The following SLC38A12 variants were observed in gnomAD, a reference collection of about 807,000 sequenced individuals.
SLC38A12 encodes putative sodium-coupled neutral amino acid transporter 12.
At chr17:74,812,120 A>G in the SLC38A12 span, among the ~76,000 whole-genome samples, 9 of 151,360 alleles carry the variant, frequency 5.9e-5, no homozygotes, top group East Asian at 1.8e-3. Flanking sequence ...CCCCACCGAG[A>G]TGTTTGGACA....
the SLC38A12 span, among the ~76,000 whole-genome samples, chr17:74,797,218 C>T: frequency 1.5e-3 from 225 of 152,350 alleles, no homozygotes; most frequent in African/African-American, 4.8e-3. Context: ...ATGGTTCCCT[C>T]ACTTATTCCT....
chr17:74,839,125 C>T, the SLC38A12 span: 5 of 1,529,214 alleles, frequency 3.3e-6, no homozygotes, highest in Non-Finnish European at 4.4e-6. Context: ...ATGCCAGCAG[C>T]TCCTGGCTGT....
chr17:74,836,728 C>T, the SLC38A12 span: 8 of 1,537,140 alleles, frequency 5.2e-6, no homozygotes, highest in Non-Finnish European at 7.0e-6. The surrounding 1 kb of genome is among the most constrained non-coding windows in gnomAD (Gnocchi z 4.2). Context: ...GCATAGGGGC[C>T]CCAGCCCCAC....
At chr17:74,819,848 G>A in the SLC38A12 span, 1 of 1,613,166 alleles carries the variant, frequency 6.2e-7, no homozygotes, top group Non-Finnish European at 8.5e-7. Context: ...GGATCGGTGA[G>A]TCTGAGAAAC....
chr17:74,838,938 C>T, the SLC38A12 span: 31 of 1,535,772 alleles, frequency 2.0e-5, no homozygotes, highest in Non-Finnish European at 2.6e-5. Flanking sequence ...GCCAGCCCAG[C>T]CTGGCCCAGG....
At chr17:74,835,918 G>C in the SLC38A12 span, 2 of 1,592,704 alleles carry the variant, frequency 1.3e-6, no homozygotes, top group Admixed American at 3.4e-5. Flanking sequence ...CCTCTCTCTC[G>C]TTTCCCAGCT....
the SLC38A12 span, chr17:74,819,741 A>G: frequency 1.1e-5 from 17 of 1,614,022 alleles, no homozygotes; most frequent in Non-Finnish European, 1.4e-5. Context: ...TCTTGTTTCC[A>G]TCCCCCAGGC....
the SLC38A12 span, chr17:74,794,950 A>AAG: frequency 3.8e-6 from 2 of 530,048 alleles, no homozygotes; most frequent in Non-Finnish European, 5.6e-6. Flanking sequence ...AGAAGAAGAA[A>AAG]AAAAAAAAAA....
chr17:74,787,292 G>C, the SLC38A12 span, among the ~76,000 whole-genome samples: 1 of 149,666 alleles, frequency 6.7e-6, no homozygotes, highest in Non-Finnish European at 1.5e-5. Context: ...GGAGAGGCAG[G>C]GGTGAGTCTG....
At chr17:74,819,906 A>G in the SLC38A12 span, 1 of 1,483,202 alleles carries the variant, frequency 6.7e-7, no homozygotes, top group Non-Finnish European at 9.4e-7. Flanking sequence ...CTCTCCTTTC[A>G]TGAGAGGCCG....
the SLC38A12 span, among the ~76,000 whole-genome samples, chr17:74,781,183 T>G: frequency 6.6e-6 from 1 of 152,266 alleles, no homozygotes; most frequent in African/African-American, 2.4e-5. Flanking sequence ...TGAGAAACCC[T>G]GATCCACAAG....
At chr17:74,781,084 C>T in the SLC38A12 span, among the ~76,000 whole-genome samples, 5 of 152,132 alleles carry the variant, frequency 3.3e-5, no homozygotes, top group Admixed American at 6.5e-5. Context: ...GGGCAAAGGC[C>T]GGGGATGCCA....
chr17:74,819,887 G>A, the SLC38A12 span: 38 of 1,556,890 alleles, frequency 2.4e-5, no homozygotes, highest in South Asian at 2.7e-4. Flanking sequence ...TTCTCCTCTC[G>A]TCCCTTCCCT....
chr17:74,777,503 G>C, the SLC38A12 span: 1 of 1,549,914 alleles, frequency 6.5e-7, no homozygotes, highest in Non-Finnish European at 8.8e-7. Flanking sequence ...GCAGGATGGG[G>C]GAGTTCCATG....
At chr17:74,806,014 C>T in the SLC38A12 span, among the ~76,000 whole-genome samples, 11 of 152,184 alleles carry the variant, frequency 7.2e-5, no homozygotes, top group African/African-American at 1.9e-4. Context: ...TCATGGGTTC[C>T]GAGGCCCATG....
chr17:74,839,101 A>G, the SLC38A12 span: 1 of 1,532,726 alleles, frequency 6.5e-7, no homozygotes. Flanking sequence ...GACCCACCTG[A>G]GCCCCAGAGC....
chr17:74,801,060 A>G, the SLC38A12 span, among the ~76,000 whole-genome samples: 1 of 152,148 alleles, frequency 6.6e-6, no homozygotes, highest in African/African-American at 2.4e-5. Flanking sequence ...GGACGCCTGG[A>G]GGGGGAAGGG....
At chr17:74,783,070 C>T in the SLC38A12 span, among the ~76,000 whole-genome samples, 1 of 152,208 alleles carries the variant, frequency 6.6e-6, no homozygotes, top group East Asian at 1.9e-4. Context: ...GGCAAGGTTG[C>T]AGTGAGCCAA....
the SLC38A12 span, chr17:74,836,932 CCAAGTT>C: frequency 7.4e-7 from 1 of 1,343,416 alleles, no homozygotes; most frequent in Admixed American, 3.5e-5. The surrounding 1 kb of genome is among the most constrained non-coding windows in gnomAD (Gnocchi z 4.2). Flanking sequence ...GTGGCTGCTC[CCAAGTT>C]CTAAGACTCA....
Sources: allele counts gnomAD v4.1 joint callset (sites outside exome capture counted in the v4.1 genomes callset), GRCh38; gene constraint gnomAD v4.1.1; non-coding constraint Gnocchi (gnomAD v3.1); transcripts MANE v1.5; gene names NCBI Gene and HGNC (gene_info 2026-07-23, HGNC 2026-07-21).